RPA1: variants seen among roughly 807,000 people sequenced by gnomAD.
The protein encoded by RPA1 is replication protein A1, also known as replication protein A 70 kDa DNA-binding subunit.
RPA1 carries 49 observed loss-of-function variants against 83.0 expected under a neutral mutation model. That is an observed-to-expected ratio of 0.59 (90% CI 0.47 to 0.75). The LOEUF is 0.75. Ranked by LOEUF, RPA1 falls within the 30% of genes least tolerant of loss-of-function variation. The pLI, the probability that RPA1 is intolerant of heterozygous loss-of-function variation, is 0.00. For synonymous variants in RPA1, 279 were observed against 281.8 expected (o/e 0.99, Z 0.10); for missense variants, 693 against 776.1 (o/e 0.89, Z 1.27).
At chr17:1,875,449 C>T (rs1187482056) in intron 6 of RPA1, among the ~76,000 whole-genome samples, 1 of 152,138 alleles carries the variant, frequency 6.6e-6, no homozygotes, top group Non-Finnish European at 1.5e-5. Flanking sequence ...CTGCTGTGTG[C>T]GCAGCCTTCA....
intron 4 of RPA1, among the ~76,000 whole-genome samples, chr17:1,847,698 A>G (rs1197189559): frequency 2.0e-5 from 3 of 152,152 alleles, no homozygotes; most frequent in Non-Finnish European, 2.9e-5. Flanking sequence ...TGTGGAAAGT[A>G]TACTAATTAT....
chr17:1,830,114 G>C lies in RPA1; in HGVS notation c.21G>C (p.Glu7Asp), dbSNP rs1250958096. Reference sequence around the variant, plus strand: ...GAGCCATGGTCGGCCAACTGAGCGAGGGGGCCATTGCGGTGAGGAGGTGCC... The same window carrying C: ...GAGCCATGGTCGGCCAACTGAGCGACGGGGCCATTGCGGTGAGGAGGTGCC... The part of the protein sequence containing the change: MVGQLS[E>D]GAIAAIMQKG... Residue 7 changes from glutamate (E) to aspartate (D), a missense_variant, in exon 1 of 17, where the codon GAG becomes GAC. Transcript: ENST00000254719. 8.0e-7 allele frequency: 1 copy of C among 1,247,818 alleles called. No individual in the cohort carries two copies. The highest frequency in any genetic ancestry group is 3.1e-5 in the East Asian group (1 of 31,802). 77.3% of individuals were successfully genotyped at this position (1,247,818 alleles called of 1,614,324 possible). A position where few individuals can be genotyped will look rare whatever the true frequency, so the allele number is the denominator to read the frequency against.
intron 5 of RPA1, among the ~76,000 whole-genome samples, chr17:1,862,905 A>C (rs1220291581): frequency 2.0e-5 from 3 of 150,316 alleles, no homozygotes; most frequent in Non-Finnish European, 4.4e-5. Context: ...TTTAGTAGAG[A>C]CGAAGTTTCA....
At chr17:1,886,704 G>C (rs1185926594) in intron 13 of RPA1, among the ~76,000 whole-genome samples, 2 of 132,620 alleles carry the variant, frequency 1.5e-5, no homozygotes. Context: ...TTCTTCTGCA[G>C]CTTTTTTTTT....
intron 1 of RPA1, among the ~76,000 whole-genome samples, chr17:1,832,077 T>TA (rs1328276683): frequency 6.6e-6 from 1 of 151,834 alleles, no homozygotes; most frequent in Admixed American, 6.6e-5. Flanking sequence ...TACAGGCATG[T>TA]ACCACCACAC....
chr17:1,833,280 T>C (rs773171163), intron 1 of RPA1, among the ~76,000 whole-genome samples: 13 of 152,204 alleles, frequency 8.5e-5, no homozygotes, highest in Non-Finnish European at 1.8e-4. Context: ...TATTTTACTC[T>C]GCATTGTATC....
rs756972648 is a variant in RPA1, at chr17:1,842,888, T to G, written c.84+35T>G. On this transcript the variant is annotated intron_variant, in intron 2 of 16. Coordinates refer to ENST00000254719, the MANE Select transcript of RPA1 (RefSeq NM_002945.5). ...TGCGTATGTTATGTTCCATGTCAAC[T>G]TCTTTGGAGTCATCGAATTACAAGT... 1.8e-5 allele frequency: 29 copies of G among 1,602,184 alleles called. No homozygotes were observed. In the South Asian group the frequency reaches 3.1e-4, roughly 17 times the overall value.
intron 4 of RPA1, among the ~76,000 whole-genome samples, chr17:1,849,618 G>GT (rs879833245): frequency 0.054 from 7,298 of 136,302 alleles, 241 homozygotes; most frequent in Non-Finnish European, 0.08. Context: ...TTGTCATTTT[G>GT]TTTTTTTTTT....
chr17:1,848,688 T>G (rs1049484907), intron 4 of RPA1, among the ~76,000 whole-genome samples: 1 of 146,062 alleles, frequency 6.8e-6, no homozygotes, highest in Non-Finnish European at 1.5e-5. Flanking sequence ...CTCAGCCTCC[T>G]GGGTAGCTGG....
At chr17:1,878,336 T>G (rs1913643942) in intron 8 of RPA1, among the ~76,000 whole-genome samples, 1 of 151,532 alleles carries the variant, frequency 6.6e-6, no homozygotes, top group Non-Finnish European at 1.5e-5. Flanking sequence ...AAAATAGATG[T>G]TTTTTTTGGA....
At chr17:1,875,522 TA>T in intron 6 of RPA1, 138 bp from the exon 7 acceptor site, 2 of 919,978 alleles carry the variant, frequency 2.2e-6, no homozygotes, top group Non-Finnish European at 3.2e-6. Context: ...CTCTTGCATA[TA>T]AAAAGGAAAA....
chr17:1,860,274 G>A (rs1044459665), intron 5 of RPA1, among the ~76,000 whole-genome samples: 5 of 152,038 alleles, frequency 3.3e-5, no homozygotes, highest in African/African-American at 4.8e-5. Flanking sequence ...TGGACTGCCT[G>A]GACTGGGGCT....
At chr17:1,875,430 A>G (rs1913536772) in intron 6 of RPA1, among the ~76,000 whole-genome samples, 2 of 152,212 alleles carry the variant, frequency 1.3e-5, no homozygotes, top group South Asian at 4.1e-4. Flanking sequence ...CAGCAAACAT[A>G]GCAGTGAGCT....
intron 6 of RPA1, among the ~76,000 whole-genome samples, chr17:1,874,850 T>TA (rs1380274288): frequency 1.3e-5 from 2 of 152,362 alleles, no homozygotes; most frequent in African/African-American, 4.8e-5. Context: ...AGTAAATAAA[T>TA]ACTGGATAGA....
chr17:1,879,782 A>G (rs1913712676), intron 11 of RPA1, 83 bp downstream of exon 11: 4 of 1,550,850 alleles, frequency 2.6e-6, no homozygotes, highest in Non-Finnish European at 3.5e-6. Context: ...TGGGGCCTTC[A>G]GCACACACAG....
intron 5 of RPA1, among the ~76,000 whole-genome samples, chr17:1,865,055 G>A (rs780474730): frequency 1.3e-5 from 2 of 152,198 alleles, no homozygotes; most frequent in Non-Finnish European, 2.9e-5. Flanking sequence ...GGAAAGGAAA[G>A]GAAAGTTGGA....
chr17:1,884,331 G>A lies in RPA1; in HGVS notation c.1374+387G>A, dbSNP rs559250239. On this transcript the variant is annotated intron_variant, in intron 13 of 16. Transcript: ENST00000254719. The surrounding 1 kb of genome is among the most constrained non-coding windows in gnomAD (Gnocchi z 4.1). ...AAGATGTTTTTTGAGATGAGCGTTA[G>A]TCCGCCTCAGGTCAGACATGAGGCA... Among the ~76,000 whole-genome samples the A allele has an allele frequency of 2.8e-4, 31 of 110,530 alleles. No individual in the cohort carries two copies. Among genetic ancestry groups the A allele is most frequent in the Non-Finnish European group, 4.9e-4 (28 of 57,462 alleles). The allele number at this position is 110,530 out of a possible 152,430, so 72.5% of individuals were successfully genotyped here.
intron 1 of RPA1, 40 bp from the exon 2 acceptor site, chr17:1,842,763 T>C: frequency 6.4e-7 from 1 of 1,557,704 alleles, no homozygotes; most frequent in Non-Finnish European, 8.9e-7. Flanking sequence ...CATCATGATT[T>C]GAGTGCGTAT....
chr17:1,890,355 C>T (rs17292350), intron 14 of RPA1, among the ~76,000 whole-genome samples: 1 of 151,668 alleles, frequency 6.6e-6, no homozygotes, highest in African/African-American at 2.4e-5. Context: ...CAGAGTCAGA[C>T]CCTGTCTTTA....
Sources: gnomAD v4.1 joint callset for allele counts (sites outside exome capture counted in the v4.1 genomes callset) on GRCh38, gnomAD v4.1.1 for gene constraint, Gnocchi (gnomAD v3.1) non-coding constraint, MANE v1.5 for transcripts, NCBI Gene and HGNC (gene_info 2026-07-23, HGNC 2026-07-21) for gene names.